Variants in CSMD3 observed in about 807,000 individuals in gnomAD.
The protein encoded by CSMD3 is CUB and sushi domain-containing protein 3.
CSMD3 carries 177 observed loss-of-function variants against 435.2 expected under a neutral mutation model. That is an observed-to-expected ratio of 0.41 (90% confidence interval 0.36 to 0.46). CSMD3 has a LOEUF of 0.46. Ranked by LOEUF, CSMD3 falls within the 20% of genes least tolerant of loss-of-function variation. CSMD3 has a pLI of 0.34. For missense variants in CSMD3, 4,265 were observed against 4,504.6 expected, an observed-to-expected ratio of 0.95 and a Z score of 1.52; for synonymous variants, 1,656 against 1,520.5, an observed-to-expected ratio of 1.09 and a Z score of -2.07.
At chr8:112,262,070 T>C (rs1472134511) in intron 61 of CSMD3, among the ~76,000 whole-genome samples, 1 of 152,056 alleles carries the variant, frequency 6.6e-6, no homozygotes, top group South Asian at 2.1e-4. Flanking sequence ...ACCATTTGAA[T>C]CTTGCTTAAG....
intron 38 of CSMD3, among the ~76,000 whole-genome samples, chr8:112,361,546 AGT>A (rs1320975996): frequency 1.4e-5 from 2 of 141,770 alleles, no homozygotes; most frequent in African/African-American, 5.1e-5. Flanking sequence ...TGTAAATAAA[AGT>A]GTGTATGTAT....
Position 113,432,530 on chromosome 8 carries a change from C to A in CSMD3, c.178+4147G>T, listed in dbSNP as rs571070250. Among the ~76,000 whole-genome samples the A allele has an allele frequency of 3.3e-5, 5 of 152,334 alleles. No individual in the cohort carries two copies. The East Asian group carries it at 9.7e-4, about 29-fold the overall frequency. On this transcript the variant is annotated intron_variant, in intron 1 of 70. Transcript: ENST00000297405. Reference sequence around the variant, plus strand: ...ACTATGCTGTTTAATTTCTTCTGCTCTCTCCCTCAGAGTCTAACTAAGCCC... The same window carrying A: ...ACTATGCTGTTTAATTTCTTCTGCTATCTCCCTCAGAGTCTAACTAAGCCC...
intron 13 of CSMD3, among the ~76,000 whole-genome samples, chr8:112,761,679 C>T (rs909634761): frequency 7.9e-5 from 12 of 151,982 alleles, no homozygotes; most frequent in African/African-American, 2.2e-4. Flanking sequence ...ACTATACAAA[C>T]ATTTTTTATT....
intron 1 of CSMD3, among the ~76,000 whole-genome samples, chr8:113,430,837 C>T (rs1049238542): frequency 4.6e-5 from 7 of 152,010 alleles, no homozygotes; most frequent in Admixed American, 6.6e-5. Flanking sequence ...ATTAGGTTGC[C>T]GGCAACGAAT....
chr8:113,258,219 T>C (rs745890690), intron 3 of CSMD3, among the ~76,000 whole-genome samples: 1 of 152,226 alleles, frequency 6.6e-6, no homozygotes, highest in Admixed American at 6.5e-5. Flanking sequence ...GTGCTTATTG[T>C]ATGTTTTGGA....
intron 38 of CSMD3, among the ~76,000 whole-genome samples, chr8:112,373,026 T>A (rs530604399): frequency 4.6e-4 from 26 of 56,898 alleles, no homozygotes; most frequent in African/African-American, 7.5e-4. Flanking sequence ...ATATATATTT[T>A]TTTTCTCATG....
chr8:112,587,607 T>G (rs1230043000), intron 22 of CSMD3, among the ~76,000 whole-genome samples: 3 of 151,870 alleles, frequency 2.0e-5, no homozygotes, highest in Admixed American at 1.3e-4. Flanking sequence ...AATGAAAGGG[T>G]TTTGAATAAT....
intron 3 of CSMD3, among the ~76,000 whole-genome samples, chr8:113,260,033 T>C (rs1430692884): frequency 6.6e-6 from 1 of 152,152 alleles, no homozygotes; most frequent in East Asian, 1.9e-4. Context: ...CCTCATTCTT[T>C]CTTCTGCTGC....
At chr8:112,764,031 C>A (rs2077913580) in intron 13 of CSMD3, among the ~76,000 whole-genome samples, 1 of 151,282 alleles carries the variant, frequency 6.6e-6, no homozygotes, top group South Asian at 2.1e-4. Flanking sequence ...ATTAGTGGTC[C>A]AACATAATAT....
chr8:112,763,433 TA>T (rs2077893277), intron 13 of CSMD3, among the ~76,000 whole-genome samples: 1 of 151,036 alleles, frequency 6.6e-6, no homozygotes, highest in Non-Finnish European at 1.5e-5. Context: ...TAAATTATCC[TA>T]ATATATTTAC....
intron 1 of CSMD3, among the ~76,000 whole-genome samples, chr8:113,404,457 C>T (rs1183634447): frequency 6.6e-6 from 1 of 151,342 alleles, no homozygotes; most frequent in South Asian, 2.1e-4. Flanking sequence ...ATGTCTTTTT[C>T]TCTCTCTGCC....
At chr8:112,971,578 A>C (rs1444905581) in intron 7 of CSMD3, among the ~76,000 whole-genome samples, 2 of 152,198 alleles carry the variant, frequency 1.3e-5, no homozygotes, top group Non-Finnish European at 1.5e-5. Context: ...CAAATATAAA[A>C]TTTTAGCTAT....
chr8:113,096,008 T>A (rs1221647623), intron 5 of CSMD3, among the ~76,000 whole-genome samples: 1 of 152,138 alleles, frequency 6.6e-6, no homozygotes, highest in African/African-American at 2.4e-5. Flanking sequence ...TGTTGGAGTG[T>A]CCCACAACTC....
At chr8:113,383,921 C>T (rs559069105) in intron 1 of CSMD3, among the ~76,000 whole-genome samples, 1 of 152,084 alleles carries the variant, frequency 6.6e-6, no homozygotes, top group African/African-American at 2.4e-5. Context: ...AAGTGCACCC[C>T]CTACCAAAAC....
intron 3 of CSMD3, among the ~76,000 whole-genome samples, chr8:113,226,619 G>A (rs998188224): frequency 6.6e-6 from 1 of 151,564 alleles, no homozygotes; most frequent in Non-Finnish European, 1.5e-5. Flanking sequence ...ACTACTGGTT[G>A]TTAGAAACGA....
chr8:112,269,356 C>A (rs1817249956), intron 59 of CSMD3, among the ~76,000 whole-genome samples: 1 of 152,140 alleles, frequency 6.6e-6, no homozygotes, highest in African/African-American at 2.4e-5. Flanking sequence ...TCACCTGGAC[C>A]TGATTAAAGA....
intron 13 of CSMD3, among the ~76,000 whole-genome samples, chr8:112,782,218 T>TA (rs144840063): frequency 4.0e-5 from 6 of 151,216 alleles, no homozygotes; most frequent in Non-Finnish European, 7.4e-5. Context: ...TCCTACCAAA[T>TA]AAAAAAAAAT....
At chr8:113,020,546 T>C (rs2086650872) in intron 5 of CSMD3, among the ~76,000 whole-genome samples, 1 of 152,170 alleles carries the variant, frequency 6.6e-6, no homozygotes, top group Non-Finnish European at 1.5e-5. Context: ...TAAAAGAGTC[T>C]CCAAAGCAAG....
At chr8:112,419,143 ATATCAGTTAGATTCCAGGCACT>A (rs1425032092) in intron 32 of CSMD3, among the ~76,000 whole-genome samples, 1 of 152,164 alleles carries the variant, frequency 6.6e-6, no homozygotes, top group Non-Finnish European at 1.5e-5. Context: ...TATTTTCTAC[ATATCAGTTAGATTCCAGGCACT>A]TATGGTTATT....
Sources: gnomAD v4.1 joint callset for allele counts (sites outside exome capture counted in the v4.1 genomes callset) on GRCh38, gnomAD v4.1.1 for gene constraint, MANE v1.5 for transcripts, NCBI Gene and HGNC (gene_info 2026-07-23, HGNC 2026-07-21) for gene names.